Variants in P3H2 observed in about 807,000 individuals in gnomAD.
P3H2 encodes the protein prolyl 3-hydroxylase 2, also known as leprecan-like 1.
Under a neutral mutation model 87.0 loss-of-function variants are expected in P3H2, and 80 were observed. The ratio of observed to expected loss-of-function variants is 0.92; its 90% CI spans 0.77 to 1.11. The LOEUF (loss-of-function observed/expected upper bound fraction) is 1.11. Among genes scored for constraint, P3H2 ranks in the 50% least tolerant of loss-of-function variants. The pLI is 0.00. For synonymous variants in P3H2, 367 were observed against 359.3 expected, an observed-to-expected ratio of 1.02 and a Z score of -0.24; for missense variants, 1,001 against 923.9, an observed-to-expected ratio of 1.08 and a Z score of -1.08.
intron 1 of P3H2, among the ~76,000 whole-genome samples, chr3:190,011,643 G>A (rs1037082296): frequency 6.6e-6 from 1 of 152,170 alleles, no homozygotes; most frequent in African/African-American, 2.4e-5. Context: ...CCTGGGGAAT[G>A]TCATCTTAAT....
At chr3:190,045,271 C>T (rs760018999) in intron 1 of P3H2, among the ~76,000 whole-genome samples, 1 of 152,098 alleles carries the variant, frequency 6.6e-6, no homozygotes, top group Non-Finnish European at 1.5e-5. Context: ...ATTTATTTTG[C>T]AATGATGAGA....
At chr3:190,096,456 CTG>C (rs1229944134) in intron 1 of P3H2, among the ~76,000 whole-genome samples, 1 of 131,132 alleles carries the variant, frequency 7.6e-6, no homozygotes, top group Non-Finnish European at 1.6e-5. Flanking sequence ...TTCACTATGA[CTG>C]TAAGCTTCCT....
At chr3:190,002,121 T>TA (rs1020672815) in intron 1 of P3H2, among the ~76,000 whole-genome samples, 2 of 152,182 alleles carry the variant, frequency 1.3e-5, no homozygotes, top group African/African-American at 4.8e-5. Context: ...AATAGCCATA[T>TA]AGCAAATAAC....
rs555533457 is a variant in P3H2 at position 189,987,411 on chromosome 3, G to A, written c.1098+116C>T. 81 of 1,197,450 alleles carry A rather than the reference G, an allele frequency of 6.8e-5. No individual in the cohort carries two copies. The East Asian group carries it at 7.4e-4, about 11-fold the overall frequency. The allele number at this position is 1,197,450 out of a possible 1,614,324, so 74.2% of individuals were successfully genotyped here. Reference sequence around the variant, plus strand: ...GGAGAATCGCTTGAACCCGGGAGGCGGAGGTTGCGGTGAGCCAAGATTGTG... The same window carrying A: ...GGAGAATCGCTTGAACCCGGGAGGCAGAGGTTGCGGTGAGCCAAGATTGTG... On this transcript the variant is annotated intron_variant, in intron 5 of 14. Coordinates refer to ENST00000319332, the MANE Select transcript of P3H2 (RefSeq NM_018192.4).
intron 1 of P3H2, among the ~76,000 whole-genome samples, chr3:190,115,965 C>G (rs1712274767): frequency 6.6e-6 from 1 of 152,132 alleles, no homozygotes; most frequent in East Asian, 1.9e-4. Flanking sequence ...ATTTAGTAAT[C>G]ATCCAAATCT....
At chr3:190,081,971 T>C (rs1359355777) in intron 1 of P3H2, among the ~76,000 whole-genome samples, 3 of 152,140 alleles carry the variant, frequency 2.0e-5, no homozygotes, top group Admixed American at 2.0e-4. Flanking sequence ...CCTTAGCTTG[T>C]GGCCGGGCAC....
chr3:189,970,979 C>T, intron 12 of P3H2, 88 bp from the exon 13 acceptor site: 1 of 767,492 alleles, frequency 1.3e-6, no homozygotes, highest in South Asian at 1.5e-5. Context: ...ATGTACTGTC[C>T]AGCCTCCATT....
intron 13 of P3H2, among the ~76,000 whole-genome samples, chr3:189,966,435 G>T (rs116427171): frequency 7.2e-4 from 109 of 152,348 alleles, no homozygotes; most frequent in African/African-American, 2.5e-3. Context: ...AGGAAAAGAA[G>T]CTGTGAACTG....
chr3:190,038,245 A>C (rs1201525011), intron 1 of P3H2, among the ~76,000 whole-genome samples: 1 of 151,578 alleles, frequency 6.6e-6, no homozygotes, highest in Non-Finnish European at 1.5e-5. Flanking sequence ...AAAAAAAAAA[A>C]AAAAAAAAAA....
At chr3:190,119,945 A>G (rs1398338334) in intron 1 of P3H2, among the ~76,000 whole-genome samples, 1 of 151,932 alleles carries the variant, frequency 6.6e-6, no homozygotes, top group Admixed American at 6.5e-5. Flanking sequence ...AAATTGTACT[A>G]GATTCAGCTT....
intron 1 of P3H2, among the ~76,000 whole-genome samples, chr3:190,008,080 C>T (rs971783534): frequency 6.6e-6 from 1 of 151,320 alleles, no homozygotes; most frequent in African/African-American, 2.4e-5. Context: ...AATAGCTCTT[C>T]ATCTGCTGTG....
chr3:190,019,544 G>A (rs1724870313), intron 1 of P3H2, among the ~76,000 whole-genome samples: 1 of 147,890 alleles, frequency 6.8e-6, no homozygotes, highest in Non-Finnish European at 1.5e-5. Flanking sequence ...TATATCCATA[G>A]ATGTCTGGAT....
intron 1 of P3H2, among the ~76,000 whole-genome samples, chr3:190,109,994 ATG>A (rs112276319): frequency 0.12 from 18,751 of 151,554 alleles, 1,278 homozygotes; most frequent in Middle Eastern, 0.21. Flanking sequence ...GATTACAGGC[ATG>A]CACCACCACA....
Position 189,989,039 on chromosome 3 carries a change from C to G in P3H2, c.824-1G>C. 1.2e-6 allele frequency: 2 copies of G among 1,614,110 alleles called. No homozygotes were observed. Among genetic ancestry groups the G allele is most frequent in the Non-Finnish European group, 1.7e-6 (2 of 1,180,012 alleles). On this transcript the variant is annotated splice_acceptor_variant, in intron 3 of 14. Coordinates refer to ENST00000319332, the MANE Select transcript of P3H2 (RefSeq NM_018192.4). LOFTEE classifies it high-confidence loss of function. ...CAAACAAGCACCTGCATGTAGTGATCTGGAAGACAAGAGCCAATACGTGTG... is the reference window on the plus strand; with the variant it reads ...CAAACAAGCACCTGCATGTAGTGATGTGGAAGACAAGAGCCAATACGTGTG...
intron 8 of P3H2, among the ~76,000 whole-genome samples, chr3:189,977,668 A>G (rs565392172): frequency 2.0e-5 from 3 of 152,124 alleles, no homozygotes; most frequent in Non-Finnish European, 4.4e-5. Context: ...CACCACCATC[A>G]TGGCTCACTG....
At chr3:190,064,278 G>A (rs962483691) in intron 1 of P3H2, among the ~76,000 whole-genome samples, 4 of 151,780 alleles carry the variant, frequency 2.6e-5, no homozygotes, top group Non-Finnish European at 4.4e-5. Context: ...CTCCCAAAGT[G>A]CTGGGATTAT....
intron 10 of P3H2, 61 bp downstream of exon 10, chr3:189,973,848 A>T (rs770069643): frequency 2.3e-6 from 3 of 1,296,310 alleles, no homozygotes; most frequent in Non-Finnish European, 3.4e-6. Flanking sequence ...TATATCTGCC[A>T]TTTACAGAAG....
At chr3:190,083,889 A>G (rs1197415043) in intron 1 of P3H2, among the ~76,000 whole-genome samples, 1 of 152,244 alleles carries the variant, frequency 6.6e-6, no homozygotes, top group African/African-American at 2.4e-5. Flanking sequence ...AACAATAACC[A>G]CAAGCTTGGC....
chr3:190,054,797 T>C (rs1000213311), intron 1 of P3H2, among the ~76,000 whole-genome samples: 4 of 152,198 alleles, frequency 2.6e-5, no homozygotes, highest in Admixed American at 6.5e-5. Context: ...TCATTCAGTA[T>C]TATGAGTAGA....
Sources: allele counts gnomAD v4.1 joint callset (sites outside exome capture counted in the v4.1 genomes callset), GRCh38; gene constraint gnomAD v4.1.1; transcripts MANE v1.5; gene names NCBI Gene and HGNC (gene_info 2026-07-23, HGNC 2026-07-21).